WDFY3: variants seen among roughly 807,000 people sequenced by gnomAD.
WDFY3 encodes the protein WD repeat and FYVE domain containing 3.
Under a neutral mutation model 409.6 loss-of-function variants are expected in WDFY3, and 66 were observed. The ratio of observed to expected loss-of-function variants is 0.16; its 90% confidence interval spans 0.13 to 0.20. WDFY3 has a LOEUF of 0.20. Among genes scored for constraint, WDFY3 ranks in the 10% least tolerant of loss-of-function variants. The probability of loss-of-function intolerance (pLI) is 1.00; values close to 1 mark genes in which losing one functional copy is unlikely to be tolerated. For synonymous variants in WDFY3, 1,521 were observed against 1,537.1 expected, an observed-to-expected ratio of 0.99 and a Z score of 0.25; for missense variants, 3,031 against 4,298.1, an observed-to-expected ratio of 0.71 and a Z score of 8.24.
chr4:84,716,145 A>G (rs1049428063), intron 49 of WDFY3, among the ~76,000 whole-genome samples: 3 of 152,146 alleles, frequency 2.0e-5, no homozygotes, highest in African/African-American at 4.8e-5. Context: ...ATTATTCTAA[A>G]TGCAGATCCT....
At chr4:84,907,920 AGAAG>A (rs1767259029) in intron 2 of WDFY3, among the ~76,000 whole-genome samples, 2 of 152,292 alleles carry the variant, frequency 1.3e-5, no homozygotes, top group South Asian at 2.1e-4. Flanking sequence ...AAGTTTCAAA[AGAAG>A]GAAGAGGAAG....
chr4:84,719,479 C>T (rs1734493863), intron 47 of WDFY3, among the ~76,000 whole-genome samples: 3 of 152,210 alleles, frequency 2.0e-5, no homozygotes, highest in Middle Eastern at 3.4e-3. Flanking sequence ...AATACACTTC[C>T]TGCACTATTA....
At chr4:84,704,732 C>T (rs751380649) in intron 54 of WDFY3, among the ~76,000 whole-genome samples, 4 of 152,280 alleles carry the variant, frequency 2.6e-5, no homozygotes, top group Admixed American at 2.0e-4. Flanking sequence ...TAATAGTAGA[C>T]CATCTTCCAC....
At chr4:84,772,426 A>C (rs551722938) in intron 30 of WDFY3, among the ~76,000 whole-genome samples, 178 of 152,090 alleles carry the variant, frequency 1.2e-3, no homozygotes, top group African/African-American at 4.2e-3. Flanking sequence ...TGACTACTAA[A>C]TATTTAACAG....
chr4:84,737,473 C>T (rs1272789757), intron 40 of WDFY3, 107 bp from the exon 41 acceptor site: 1 of 1,279,746 alleles, frequency 7.8e-7, no homozygotes, highest in Non-Finnish European at 1.0e-6. Context: ...ATTTCGACTA[C>T]AGTATTTAAT....
chr4:84,860,331 A>G (rs2150201477), intron 4 of WDFY3, 81 bp downstream of exon 4: 1 of 1,453,064 alleles, frequency 6.9e-7, no homozygotes. Flanking sequence ...ATTTTTTTCT[A>G]CCTATGGCTT....
rs956047240 is a variant in WDFY3 at position 84,821,645 on chromosome 4, T to C, written c.1124-94A>G. ...TTAAACACATCATGAATTATAACAT[T>C]TATCAATTATTTACTAAGAACATAA... is the stretch of plus-strand genomic sequence containing the variant. On this transcript the variant is annotated intron_variant, in intron 10 of 67. Coordinates refer to ENST00000295888, the MANE Select transcript of WDFY3 (RefSeq NM_014991.6). 10 of 1,053,406 alleles carry C rather than the reference T, an allele frequency of 9.5e-6. No homozygotes were observed. In the Middle Eastern group the frequency reaches 9.0e-4, roughly 95 times the overall value. The allele number at this position is 1,053,406 out of a possible 1,614,324, so 65.3% of individuals were successfully genotyped here. A position where few individuals can be genotyped will look rare whatever the true frequency, so the allele number is the denominator to read the frequency against.
intron 22 of WDFY3, among the ~76,000 whole-genome samples, chr4:84,789,046 A>G (rs550522494): frequency 6.6e-6 from 1 of 152,206 alleles, no homozygotes; most frequent in African/African-American, 2.4e-5. Flanking sequence ...TAAAAATAAA[A>G]TAAAATAAAA....
In WDFY3 at chr4:84,671,502, A is replaced by C. The variant is rs1258816929; in HGVS notation, c.*1366T>G. On this transcript the variant is annotated 3_prime_UTR_variant, in exon 68 of 68. Transcript: ENST00000295888. ...CATTTTTAATATATATTATATATAT[A>C]TATATATGTACATAACACACATTTA... The C allele has an allele frequency of 1.3e-5, 2 of 149,802 alleles. No individual in the cohort carries two copies. Among genetic ancestry groups the C allele is most frequent in the African/African-American group, 4.9e-5 (2 of 41,006 alleles). The allele number at this position is 149,802 out of a possible 1,614,324, so 9.3% of individuals were successfully genotyped here. A position where few individuals can be genotyped will look rare whatever the true frequency, so the allele number is the denominator to read the frequency against.
intron 48 of WDFY3, 48 bp from the exon 49 acceptor site, chr4:84,717,064 A>G: frequency 6.6e-7 from 1 of 1,520,038 alleles, no homozygotes; most frequent in Non-Finnish European, 8.8e-7. Flanking sequence ...GCAAGGGATA[A>G]ATTCACTGTT....
rs943723937 is a variant in WDFY3 at position 84,755,330 on chromosome 4, A to G, written c.5495T>C (p.Ile1832Thr). ...PASSGTVVSS[I>T]HNVCTEAVFL... ...AACAGCTTCTGTGCATACGTTATGG[A>G]TAGAAGAGACCACAGTTCCGCTGGA... The change falls in exon 34 of 68, where the codon ATC becomes ACC. Residue 1832 changes from isoleucine to threonine, a missense_variant. Coordinates refer to ENST00000295888, the MANE Select transcript of WDFY3 (RefSeq NM_014991.6). 6.2e-7 allele frequency: 1 copy of G among 1,612,758 alleles called. No homozygotes were observed. The highest frequency in any genetic ancestry group is 8.5e-7 in the Non-Finnish European group (1 of 1,179,758).
chr4:84,800,147 C>T (rs1355607884), intron 17 of WDFY3, among the ~76,000 whole-genome samples: 2 of 152,112 alleles, frequency 1.3e-5, no homozygotes, highest in Admixed American at 6.6e-5. Context: ...TTATAAAGGC[C>T]GTGAACACAG....
At chr4:84,752,234 C>T (rs1471147681) in intron 35 of WDFY3, among the ~76,000 whole-genome samples, 1 of 152,056 alleles carries the variant, frequency 6.6e-6, no homozygotes, top group Non-Finnish European at 1.5e-5. Context: ...ATGCTGATGG[C>T]CAGGCACAGT....
intron 59 of WDFY3, among the ~76,000 whole-genome samples, 182 bp downstream of exon 59, chr4:84,692,703 A>G (rs1205697937): frequency 6.6e-6 from 1 of 152,180 alleles, no homozygotes; most frequent in Non-Finnish European, 1.5e-5. Context: ...AAGAAAACAG[A>G]GAAAAAAAAG....
chr4:84,775,682 G>A (rs953537473), intron 27 of WDFY3, among the ~76,000 whole-genome samples: 17 of 151,590 alleles, frequency 1.1e-4, no homozygotes, highest in Non-Finnish European at 1.8e-4. Context: ...AAAGGGAAGG[G>A]AGTGGCAGGA....
At chr4:84,963,704 A>T (rs1775233514) in intron 1 of WDFY3, among the ~76,000 whole-genome samples, 1 of 152,212 alleles carries the variant, frequency 6.6e-6, no homozygotes, top group Admixed American at 6.5e-5. Flanking sequence ...TTATTTTAAC[A>T]TCAATCAAAT....
In WDFY3 at chr4:84,810,258, G is replaced by T; in HGVS notation, c.1974C>A (p.Leu658=). Residue 658 remains leucine (L), a synonymous_variant, in exon 14 of 68, where the codon CTC becomes CTA. Transcript: ENST00000295888. ...AGCTCAAAGATCTTTCCATAGCAAC[G>T]AGCAAGGATGTAATGTACACAAATC... is the stretch of plus-strand genomic sequence containing the variant. ...VGGFVYITSL[L]VAMERSLSCP... is the part of the protein sequence containing the mutation. 1 of 1,613,962 alleles carries T rather than the reference G, an allele frequency of 6.2e-7. No individual in the cohort carries two copies. The highest frequency in any genetic ancestry group is 1.1e-5 in the South Asian group (1 of 91,060).
rs1490525144 is a variant in WDFY3, at chr4:84,789,792, G to A, written c.3603C>T (p.Ser1201=). ...CAGTACTGTTTTTCAACATGCCTTT[G>A]CTCATTACCAGGACCAAATGATGCC... The part of the protein sequence containing the change: ...GQWHHLVLVM[S]KGMLKNSTAA... Residue 1201 remains serine, a synonymous_variant, in exon 22 of 68, where the codon AGC becomes AGT. Transcript: ENST00000295888. 6.2e-7 allele frequency: 1 copy of A among 1,613,896 alleles called. No individual in the cohort carries two copies. The highest frequency in any genetic ancestry group is 1.1e-5 in the South Asian group (1 of 91,072).
At chr4:84,750,975 G>A (rs558905133) in intron 36 of WDFY3, among the ~76,000 whole-genome samples, 9 of 152,242 alleles carry the variant, frequency 5.9e-5, no homozygotes, top group Admixed American at 3.9e-4. Flanking sequence ...AAGAGAAATT[G>A]ATGTAGGAAA....
Sources: allele counts gnomAD v4.1 joint callset (sites outside exome capture counted in the v4.1 genomes callset), GRCh38; gene constraint gnomAD v4.1.1; transcripts MANE v1.5; gene names NCBI Gene and HGNC (gene_info 2026-07-23, HGNC 2026-07-21).